Variants in PCBP3 observed in about 807,000 individuals in gnomAD.
The protein encoded by PCBP3 is poly(rC) binding protein 3.
A neutral mutation model predicts 52.7 loss-of-function variants in PCBP3; 25 were observed. That is an observed-to-expected ratio of 0.47 (90% CI 0.35 to 0.66). The LOEUF (loss-of-function observed/expected upper bound fraction) is 0.66, where lower values mean the gene tolerates loss of function less well. Among genes scored for constraint, PCBP3 ranks in the 30% least tolerant of loss-of-function variants. The pLI, the probability that PCBP3 is intolerant of heterozygous loss-of-function variation, is 0.01. For synonymous variants in PCBP3, 162 were observed against 183.0 expected, an observed-to-expected ratio of 0.89 and a Z score of 0.93; for missense variants, 391 against 490.3, an observed-to-expected ratio of 0.80 and a Z score of 1.91.
At chr21:45,756,463 C>T (rs2088055507) in intron 4 of PCBP3, among the ~76,000 whole-genome samples, 2 of 151,952 alleles carry the variant, frequency 1.3e-5, no homozygotes, top group African/African-American at 4.8e-5. Flanking sequence ...TCAATTTCTA[C>T]AAAAAAAGAC....
In PCBP3 at chr21:45,928,672, C is replaced by T. The variant is rs2075795328; in HGVS notation, c.718-1245C>T. Among the ~76,000 whole-genome samples, 1 of 152,070 alleles carries T rather than the reference C, an allele frequency of 6.6e-6. No homozygotes were observed. Among genetic ancestry groups the T allele is most frequent in the African/African-American group, 2.4e-5 (1 of 41,402 alleles). ...TTCTCACGTGCAGATGGCAGCTCTG[C>T]TCCGAGCGCCCACACCCCCCAGCAT... is the stretch of plus-strand genomic sequence containing the variant. On this transcript the variant is annotated intron_variant, in intron 13 of 17. Transcript: ENST00000681687. The surrounding 1 kb of genome is among the most constrained non-coding windows in gnomAD (Gnocchi z 4.1).
chr21:45,738,887 C>G lies in PCBP3; in HGVS notation c.-162+3458C>G, dbSNP rs866435174. ...TGGGTAGCCCCCCTATCTTCATCAG[C>G]CCACCCCTTCCTGTCCACGATCCTC... is the stretch of plus-strand genomic sequence containing the variant. On this transcript the variant is annotated intron_variant, in intron 3 of 17. Coordinates refer to ENST00000681687, the MANE Select transcript of PCBP3 (RefSeq NM_001384156.1). Among the ~76,000 whole-genome samples, 186 of 136,302 alleles carry G rather than the reference C, an allele frequency of 1.4e-3. 1 individual carries two copies. The highest frequency in any genetic ancestry group is 9.2e-3 in the Middle Eastern group (2 of 218). The allele number at this position is 136,302 out of a possible 152,430, so 89.4% of individuals were successfully genotyped here. A position where few individuals can be genotyped will look rare whatever the true frequency, so the allele number is the denominator to read the frequency against.
At chr21:45,746,031 C>CG (rs1257123176) in intron 3 of PCBP3, among the ~76,000 whole-genome samples, 6 of 140,806 alleles carry the variant, frequency 4.3e-5, no homozygotes, top group Non-Finnish European at 7.7e-5. Context: ...ATTGACGTAG[C>CG]ACACACGGTG....
chr21:45,935,534 T>C, intron 16 of PCBP3: 2 of 660,166 alleles, frequency 3.0e-6, no homozygotes, highest in Non-Finnish European at 5.6e-6. Context: ...AGCAACAGGC[T>C]AAAGGGGACT....
At chr21:45,650,991 G>A (rs2146827107) in intron 1 of PCBP3, among the ~76,000 whole-genome samples, 1 of 152,256 alleles carries the variant, frequency 6.6e-6, no homozygotes, top group Admixed American at 6.5e-5. Context: ...AACAAATTTT[G>A]TCAATAATCT....
chr21:45,690,120 TG>T (rs2147765498), intron 2 of PCBP3, among the ~76,000 whole-genome samples: 1 of 152,278 alleles, frequency 6.6e-6, no homozygotes, highest in Admixed American at 6.5e-5. Flanking sequence ...TAATAGCATA[TG>T]ATAGCATAGG....
At chr21:45,787,864 G>A (rs929271649) in intron 4 of PCBP3, among the ~76,000 whole-genome samples, 3 of 152,244 alleles carry the variant, frequency 2.0e-5, no homozygotes, top group Admixed American at 6.5e-5. Context: ...GATGTGGACT[G>A]TTGCAACAGG....
Position 45,855,467 on chromosome 21 carries a change from G to A in PCBP3, c.10+5372G>A, listed in dbSNP as rs3788206. Among the ~76,000 whole-genome samples the A allele has an allele frequency of 1.5e-4, 23 of 152,240 alleles. No individual in the cohort carries two copies. The East Asian group carries it at 4.1e-3, about 27-fold the overall frequency. ...GACCCCACACCCCACCAGCACAGAG[G>A]GGGGCATGCGTGGGAAGGCCTGGAG... On this transcript the variant is annotated intron_variant, in intron 5 of 17. Coordinates refer to ENST00000681687, the MANE Select transcript of PCBP3 (RefSeq NM_001384156.1).
At chr21:45,872,938 T>G (rs1014905888) in intron 5 of PCBP3, 1 of 152,216 alleles carries the variant, frequency 6.6e-6, no homozygotes, top group Non-Finnish European at 1.5e-5. Context: ...TTGTTCATAT[T>G]TGATTTGGAA....
At chr21:45,726,141 G>A (rs995212650) in intron 2 of PCBP3, among the ~76,000 whole-genome samples, 1 of 152,088 alleles carries the variant, frequency 6.6e-6, no homozygotes, top group African/African-American at 2.4e-5. Context: ...ACCTGACTCC[G>A]AGGGGCCTGA....
At chr21:45,895,824 C>T (rs1361570849) in intron 5 of PCBP3, among the ~76,000 whole-genome samples, 2 of 152,256 alleles carry the variant, frequency 1.3e-5, no homozygotes, top group African/African-American at 4.8e-5. Context: ...ACAGCAGAAG[C>T]AGGGGGCAAA....
intron 8 of PCBP3, 107 bp from the exon 9 acceptor site, chr21:45,900,890 C>T (rs1676652659): frequency 7.6e-6 from 6 of 785,242 alleles, no homozygotes; most frequent in Admixed American, 7.5e-5. Context: ...TTTCCGTCAG[C>T]GGACAGAGGC....
At chr21:45,784,710 G>A (rs1193053348) in intron 4 of PCBP3, among the ~76,000 whole-genome samples, 2 of 152,254 alleles carry the variant, frequency 1.3e-5, no homozygotes, top group Non-Finnish European at 2.9e-5. Context: ...TGATCCGCCA[G>A]CCTCGGCCTC....
At chr21:45,702,644 T>A (rs936358062) in intron 2 of PCBP3, among the ~76,000 whole-genome samples, 5 of 152,242 alleles carry the variant, frequency 3.3e-5, no homozygotes, top group Non-Finnish European at 7.3e-5. Context: ...ATCTTCTCAC[T>A]GGTGGAGAGT....
At chr21:45,893,003 A>G (rs2095716997) in intron 5 of PCBP3, among the ~76,000 whole-genome samples, 1 of 151,082 alleles carries the variant, frequency 6.6e-6, no homozygotes, top group Non-Finnish European at 1.5e-5. Flanking sequence ...TGGAGAGGGG[A>G]GCCGATAATA....
chr21:45,740,112 A>G (rs901658455), intron 3 of PCBP3, among the ~76,000 whole-genome samples: 1 of 107,174 alleles, frequency 9.3e-6, no homozygotes, highest in Admixed American at 9.1e-5. Context: ...TCTATGCCTC[A>G]GAGTTAAGGA....
intron 16 of PCBP3, among the ~76,000 whole-genome samples, chr21:45,939,482 T>G (rs2077222852): frequency 6.6e-6 from 1 of 152,276 alleles, no homozygotes; most frequent in Admixed American, 6.5e-5. Context: ...GGCACCCGAA[T>G]GGCCTCAGAG....
At chr21:45,833,130 T>C (rs1313998031) in intron 4 of PCBP3, among the ~76,000 whole-genome samples, 1 of 151,716 alleles carries the variant, frequency 6.6e-6, no homozygotes, top group African/African-American at 2.4e-5. Context: ...AGGGAAGGAG[T>C]GGGCACCCCC....
rs2091279630 is a variant in PCBP3, at chr21:45,788,039, A to G, written c.-126+32587A>G. ...CACCTACAGTTGCAAGGTGGGCACC[A>G]GTTGTCAGGAGTTGACAGGAGGGCA... On this transcript the variant is annotated intron_variant, in intron 4 of 17. Coordinates refer to ENST00000681687, the MANE Select transcript of PCBP3 (RefSeq NM_001384156.1). The surrounding 1 kb of genome is among the most constrained non-coding windows in gnomAD (Gnocchi z 4.3). 6.6e-6 allele frequency among the ~76,000 whole-genome samples: 1 copy of G among 152,176 alleles called. No individual in the cohort carries two copies. Among genetic ancestry groups the G allele is most frequent in the African/African-American group, 2.4e-5 (1 of 41,432 alleles).
Sources: gnomAD v4.1 joint callset for allele counts (sites outside exome capture counted in the v4.1 genomes callset) on GRCh38, gnomAD v4.1.1 for gene constraint, Gnocchi (gnomAD v3.1) non-coding constraint, MANE v1.5 for transcripts, NCBI Gene and HGNC (gene_info 2026-07-23, HGNC 2026-07-21) for gene names.